SMPDL3B: variants seen among roughly 807,000 people sequenced by gnomAD.
SMPDL3B encodes the protein sphingomyelin phosphodiesterase acid like 3B.
SMPDL3B carries 31 observed loss-of-function variants against 37.9 expected under a neutral mutation model. The ratio of observed to expected loss-of-function variants is 0.82; its 90% CI spans 0.61 to 1.10. SMPDL3B has a LOEUF of 1.10. Among genes scored for constraint, SMPDL3B ranks in the 50% least tolerant of loss-of-function variants. The pLI is 0.00. For synonymous variants in SMPDL3B, 235 were observed against 242.6 expected, an observed-to-expected ratio of 0.97 and a Z score of 0.29; for missense variants, 525 against 597.8, an observed-to-expected ratio of 0.88 and a Z score of 1.27.
intron 2 of SMPDL3B, among the ~76,000 whole-genome samples, chr1:27,946,292 G>T (rs538775768): frequency 6.6e-6 from 1 of 151,766 alleles, no homozygotes; most frequent in East Asian, 1.9e-4. Flanking sequence ...GGTAGAGGTT[G>T]CAGTGAGCCA....
At chr1:27,935,326 G>A in intron 1 of SMPDL3B, 82 bp downstream of exon 1, 2 of 1,075,126 alleles carry the variant, frequency 1.9e-6, no homozygotes, top group Non-Finnish European at 2.8e-6. Context: ...CAGCCAGCTT[G>A]AAGGTGCTTC....
At chr1:27,948,766 T>C (rs1012529819) in intron 2 of SMPDL3B, among the ~76,000 whole-genome samples, 1 of 152,236 alleles carries the variant, frequency 6.6e-6, no homozygotes, top group East Asian at 1.9e-4. Context: ...ATTTTCCTCC[T>C]TGATGGATAC....
chr1:27,938,060 C>T (rs1193738150), intron 1 of SMPDL3B, among the ~76,000 whole-genome samples: 1 of 152,204 alleles, frequency 6.6e-6, no homozygotes, highest in Non-Finnish European at 1.5e-5. Flanking sequence ...ATAAATGTGA[C>T]TGCAAAACTG....
intron 2 of SMPDL3B, 83 bp from the exon 3 acceptor site, chr1:27,948,982 C>G (rs1449859252): frequency 6.3e-7 from 1 of 1,599,078 alleles, no homozygotes; most frequent in Non-Finnish European, 8.5e-7. Context: ...ATAGGTTTTC[C>G]TCTCACTGCA....
chr1:27,951,144 T>C (rs2090452635), intron 3 of SMPDL3B, among the ~76,000 whole-genome samples: 1 of 152,136 alleles, frequency 6.6e-6, no homozygotes, highest in African/African-American at 2.4e-5. Flanking sequence ...AATTTCCTAA[T>C]ATCCAAGATG....
chr1:27,955,658 C>G (rs2090493440), intron 5 of SMPDL3B, 26 bp from the exon 6 acceptor site: 1 of 1,600,226 alleles, frequency 6.2e-7, no homozygotes, highest in Non-Finnish European at 8.5e-7. Context: ...ATCTGTGAGC[C>G]TCTTCTGGGA....
At chr1:27,954,682 C>T (rs1422473710) in intron 5 of SMPDL3B, among the ~76,000 whole-genome samples, 156 bp downstream of exon 5, 1 of 152,232 alleles carries the variant, frequency 6.6e-6, no homozygotes, top group East Asian at 1.9e-4. Context: ...ATCCTCACCA[C>T]AGCCCTGTGT....
chr1:27,935,515 G>A (rs2090299712), intron 1 of SMPDL3B, among the ~76,000 whole-genome samples: 2 of 152,006 alleles, frequency 1.3e-5, no homozygotes, highest in African/African-American at 4.8e-5. Context: ...GGTAGGAGGT[G>A]GCAGGAAAGA....
At position 27,958,908 on chromosome 1, in the gene SMPDL3B, C is replaced by T. The variant is rs992073022; in HGVS notation, c.*70C>T. On this transcript the variant is annotated 3_prime_UTR_variant, in exon 8 of 8. Coordinates refer to ENST00000373894, the MANE Select transcript of SMPDL3B (RefSeq NM_014474.4). This position sits in a 1 kb window ranked among gnomAD's most constrained non-coding sequence, Gnocchi z 5.6. ...CGCCCAGGATCACCCAGAGCTGGGC[C>T]TTCCACCATTTCCTCCGCGCCTGAG... is the stretch of plus-strand genomic sequence containing the variant. 6.3e-5 allele frequency: 91 copies of T among 1,450,080 alleles called. No homozygotes were observed. The highest frequency in any genetic ancestry group is 7.5e-5 in the Non-Finnish European group (82 of 1,097,354). 89.8% of individuals were successfully genotyped at this position (1,450,080 alleles called of 1,614,324 possible).
chr1:27,947,659 T>TG (rs113354421), intron 2 of SMPDL3B, among the ~76,000 whole-genome samples: 52,119 of 142,816 alleles, frequency 0.36, 10,148 homozygotes, highest in South Asian at 0.54. Flanking sequence ...TTTTGTTTTT[T>TG]TTTTTTAAGA....
Position 27,935,114 on chromosome 1 carries a change from T to C in SMPDL3B, c.-70T>C, listed in dbSNP as rs369348921. 567 of 1,272,880 alleles carry C rather than the reference T, an allele frequency of 4.5e-4. 1 individual carries two copies. The African/African-American group carries it at 7.5e-3, about 17-fold the overall frequency. The allele number at this position is 1,272,880 out of a possible 1,614,324, so 78.8% of individuals were successfully genotyped here. A position where few individuals can be genotyped will look rare whatever the true frequency, so the allele number is the denominator to read the frequency against. ...AGGCACGTGGCCACAGAAAACTACTTAGGAAGCCTGTGGTGAGAACAACAA... is the reference window on the plus strand; with the variant it reads ...AGGCACGTGGCCACAGAAAACTACTCAGGAAGCCTGTGGTGAGAACAACAA... On this transcript the variant is annotated 5_prime_UTR_variant, in exon 1 of 8. Transcript: ENST00000373894.
At chr1:27,954,186 G>A (rs1456737728) in intron 4 of SMPDL3B, among the ~76,000 whole-genome samples, 168 bp from the exon 5 acceptor site, 4 of 152,350 alleles carry the variant, frequency 2.6e-5, no homozygotes, top group Middle Eastern at 6.8e-3. Flanking sequence ...TTGAATCCAG[G>A]CCGCCTGGCT....
intron 4 of SMPDL3B, 104 bp from the exon 5 acceptor site, chr1:27,954,250 G>A (rs1054759614): frequency 9.1e-6 from 10 of 1,096,408 alleles, no homozygotes; most frequent in Non-Finnish European, 1.3e-5. Flanking sequence ...AGATGGGAGG[G>A]GAAGATGCAA....
chr1:27,958,744 A>C lies in SMPDL3B; in HGVS notation c.1274A>C (p.Tyr425Ser). Reference protein sequence around the residue: ...CAMRQVDIDAYTTCLYASGTT... With the variant: ...CAMRQVDIDASTTCLYASGTT... Reference sequence around the variant, plus strand: ...ATGCGCCAGGTGGACATTGACGCTTACACCACCTGTCTGTATGCCTCTGGC... The same window carrying C: ...ATGCGCCAGGTGGACATTGACGCTTCCACCACCTGTCTGTATGCCTCTGGC... The change falls in exon 8 of 8, where the codon TAC (tyrosine) becomes TCC (serine). Residue 425 changes from tyrosine to serine, a missense_variant. By Grantham distance (144) the Tyr-to-Ser change is moderately radical. Coordinates refer to ENST00000373894, the MANE Select transcript of SMPDL3B (RefSeq NM_014474.4). This position sits in a 1 kb window ranked among gnomAD's most constrained non-coding sequence, Gnocchi z 5.6. The C allele has an allele frequency of 4.3e-6, 7 of 1,613,656 alleles. No individual in the cohort carries two copies. The highest frequency in any genetic ancestry group is 5.9e-6 in the Non-Finnish European group (7 of 1,180,004).
At chr1:27,940,860 C>T (rs932386363) in intron 1 of SMPDL3B, among the ~76,000 whole-genome samples, 1 of 152,174 alleles carries the variant, frequency 6.6e-6, no homozygotes, top group South Asian at 2.1e-4. Flanking sequence ...CAGGCGCCCA[C>T]ACCTCCCCAG....
chr1:27,948,950 G>A (rs1341925528), intron 2 of SMPDL3B, 115 bp from the exon 3 acceptor site: 22 of 1,555,852 alleles, frequency 1.4e-5, no homozygotes, highest in Middle Eastern at 1.7e-4. Flanking sequence ...CCCCCTCAAG[G>A]GGACATCTGA....
At chr1:27,950,470 T>G (rs542131817) in intron 3 of SMPDL3B, among the ~76,000 whole-genome samples, 2 of 152,306 alleles carry the variant, frequency 1.3e-5, no homozygotes, top group East Asian at 3.9e-4. Flanking sequence ...CTGTTTTGTT[T>G]TTTGAGAGAA....
In SMPDL3B at chr1:27,955,878, A is replaced by C. The variant is rs533714206; in HGVS notation, c.871+14A>C. 1 of 1,611,940 alleles carries C rather than the reference A, an allele frequency of 6.2e-7. No homozygotes were observed. Among genetic ancestry groups the C allele is most frequent in the South Asian group, 1.1e-5 (1 of 91,052 alleles). ...ATGATGATGCAGGTATTCAACCTGG[A>C]GGGCAACTGCCAGCTCCCTCCCTCC... On this transcript the variant is annotated intron_variant, in intron 6 of 7. Transcript: ENST00000373894.
Position 27,945,469 on chromosome 1 carries a change from T to C in SMPDL3B, c.275+24T>C. 1 of 1,595,608 alleles carries C rather than the reference T, an allele frequency of 6.3e-7. No homozygotes were observed. Among genetic ancestry groups the C allele is most frequent in the Non-Finnish European group, 8.6e-7 (1 of 1,163,736 alleles). On this transcript the variant is annotated intron_variant, in intron 2 of 7. Transcript: ENST00000373894. The surrounding 1 kb of genome is among the most constrained non-coding windows in gnomAD (Gnocchi z 4.0). ...GGGTGAGTACAGTTGAGGTGGCAGC[T>C]ACCCTTTGCCAGGCATCTGCTATGT...
Sources: gnomAD v4.1 joint callset for allele counts (sites outside exome capture counted in the v4.1 genomes callset) on GRCh38, gnomAD v4.1.1 for gene constraint, Gnocchi (gnomAD v3.1) non-coding constraint, MANE v1.5 for transcripts, NCBI Gene and HGNC (gene_info 2026-07-23, HGNC 2026-07-21) for gene names.